SRPK1: variants seen among roughly 807,000 people sequenced by gnomAD.
The protein encoded by SRPK1 is SRSF protein kinase 1.
SRPK1 carries 52 observed loss-of-function variants against 89.5 expected under a neutral mutation model. The observed-to-expected ratio is 0.58, with a 90% CI of 0.46 to 0.73. The LOEUF (loss-of-function observed/expected upper bound fraction) is 0.73, where lower values mean the gene tolerates loss of function less well. SRPK1 is among the 30% of genes least tolerant of loss of function. The pLI is 0.00. For missense variants in SRPK1, 603 were observed against 780.6 expected (o/e 0.77, Z 2.71); for synonymous variants, 255 against 270.2 (o/e 0.94, Z 0.55).
At chr6:35,885,094 T>C (rs1050465652) in intron 6 of SRPK1, among the ~76,000 whole-genome samples, 1 of 152,144 alleles carries the variant, frequency 6.6e-6, no homozygotes, top group African/African-American at 2.4e-5. Flanking sequence ...TGGGGAGATT[T>C]GAGAGTATTT....
chr6:35,851,184 T>A (rs1430191928), intron 13 of SRPK1, among the ~76,000 whole-genome samples: 1 of 151,724 alleles, frequency 6.6e-6, no homozygotes, highest in Non-Finnish European at 1.5e-5. Context: ...ATTGGATTTT[T>A]TTTTTCTTTT....
At chr6:35,888,963 T>G (rs1019667358) in intron 3 of SRPK1, 40 bp from the exon 4 acceptor site, 1 of 1,365,116 alleles carries the variant, frequency 7.3e-7, no homozygotes, top group Admixed American at 1.7e-5. Context: ...AAAACCAGGA[T>G]GAGAAACAAT....
In SRPK1 at chr6:35,880,746, A is replaced by AAAAAAGAAAGAAAG. The variant is rs1770263877; in HGVS notation, c.478+5977_478+5978insCTTTCTTTCTTTTT. On this transcript the variant is annotated intron_variant, in intron 6 of 15. Transcript: ENST00000373825. ...AAAAAAAAAAAAAAGAAAAAAAAAAAAAAAGAAAAGAAAAGAAGAAGAAAT... is the reference window on the plus strand; with the variant it reads ...AAAAAAAAAAAAAAGAAAAAAAAAAAAAAAAGAAAGAAAGAAAAGAAAAGAAAAGAAGAAGAAAT... Among the ~76,000 whole-genome samples, 48 of 89,198 alleles carry AAAAAAGAAAGAAAG rather than the reference A, an allele frequency of 5.4e-4. 3 individuals carry two copies. Among genetic ancestry groups the AAAAAAGAAAGAAAG allele is most frequent in the Non-Finnish European group, 6.9e-4 (31 of 44,620 alleles). The allele number at this position is 89,198 out of a possible 152,430, so 58.5% of individuals were successfully genotyped here.
chr6:35,912,213 T>C (rs1770985116), intron 2 of SRPK1, among the ~76,000 whole-genome samples: 1 of 152,088 alleles, frequency 6.6e-6, no homozygotes, highest in Non-Finnish European at 1.5e-5. Flanking sequence ...GAGCTGGGCA[T>C]GGTGGCATGT....
intron 12 of SRPK1, among the ~76,000 whole-genome samples, chr6:35,865,417 G>A (rs1453725893): frequency 6.6e-6 from 1 of 151,896 alleles, no homozygotes; most frequent in Non-Finnish European, 1.5e-5. Context: ...AAATACTAAT[G>A]TCATTTTTTC....
At chr6:35,915,385 C>T (rs1160274811) in intron 2 of SRPK1, among the ~76,000 whole-genome samples, 12 of 130,314 alleles carry the variant, frequency 9.2e-5, no homozygotes, top group African/African-American at 2.6e-4. Flanking sequence ...CCAGCCTGGA[C>T]GACAGAGCAA....
chr6:35,905,057 G>A, intron 2 of SRPK1: 3 of 373,356 alleles, frequency 8.0e-6, no homozygotes, highest in South Asian at 2.0e-5. Flanking sequence ...TGAGGCAGAG[G>A]GAATGCTTGA....
intron 2 of SRPK1, among the ~76,000 whole-genome samples, chr6:35,894,579 A>AT (rs1010404112): frequency 1.2e-4 from 18 of 152,274 alleles, no homozygotes; most frequent in Admixed American, 1.2e-3. Context: ...GCTCTACTTA[A>AT]TTTTTTATTA....
chr6:35,875,661 A>G (rs1014306565), intron 6 of SRPK1, among the ~76,000 whole-genome samples: 2 of 152,244 alleles, frequency 1.3e-5, no homozygotes. Context: ...ATAAGGGATT[A>G]CAGAAATAGA....
rs1313973066 is a variant in SRPK1, at chr6:35,838,003, G to C, written c.1783+334C>G. Among the ~76,000 whole-genome samples, 4 of 151,816 alleles carry C rather than the reference G, an allele frequency of 2.6e-5. No individual in the cohort carries two copies. The East Asian group carries it at 7.7e-4, about 29-fold the overall frequency. ...CCTGTCTCAGCCTCCTGAGTAGCTGGGATTACAGGCGCCCGCCACTCTTCC... is the reference window on the plus strand; with the variant it reads ...CCTGTCTCAGCCTCCTGAGTAGCTGCGATTACAGGCGCCCGCCACTCTTCC... On this transcript the variant is annotated intron_variant, in intron 15 of 15. Transcript: ENST00000373825.
rs184368917 is a variant in SRPK1, at chr6:35,890,216, T to C, written c.193+679A>G. Among the ~76,000 whole-genome samples, 263 of 152,220 alleles carry C rather than the reference T, an allele frequency of 1.7e-3. 6 individuals carry two copies. In the South Asian group the frequency reaches 0.026, roughly 15 times the overall value. On this transcript the variant is annotated intron_variant, in intron 3 of 15. Transcript: ENST00000373825. Reference sequence around the variant, plus strand: ...AGTCAGAGGCTGCAGTGAGCTGAGATCGTGCCACAGCACTCCAGCCTGGGC... The same window carrying C: ...AGTCAGAGGCTGCAGTGAGCTGAGACCGTGCCACAGCACTCCAGCCTGGGC...
chr6:35,874,551 G>C (rs1450474994), intron 6 of SRPK1, among the ~76,000 whole-genome samples: 2 of 152,122 alleles, frequency 1.3e-5, no homozygotes, highest in African/African-American at 4.8e-5. Context: ...TTAAATTGTG[G>C]GCGGCTGGCT....
intron 2 of SRPK1, among the ~76,000 whole-genome samples, chr6:35,900,828 G>A (rs1700083194): frequency 6.6e-6 from 1 of 152,110 alleles, no homozygotes; most frequent in African/African-American, 2.4e-5. Context: ...TGGTATGTTT[G>A]GGGTTTTAGA....
chr6:35,891,731 A>C (rs1306428513), intron 2 of SRPK1, among the ~76,000 whole-genome samples: 1 of 151,596 alleles, frequency 6.6e-6, no homozygotes, highest in Non-Finnish European at 1.5e-5. Flanking sequence ...CTGTCTCAAA[A>C]AAAAAAAAAA....
intron 15 of SRPK1, among the ~76,000 whole-genome samples, chr6:35,836,835 C>T (rs1398576998): frequency 2.0e-5 from 3 of 151,526 alleles, no homozygotes. Context: ...GCAGTGAGTG[C>T]CTATTTGATT....
At chr6:35,911,989 G>A (rs1402304480) in intron 2 of SRPK1, among the ~76,000 whole-genome samples, 1 of 151,980 alleles carries the variant, frequency 6.6e-6, no homozygotes, top group East Asian at 1.9e-4. Flanking sequence ...AATTGCCACA[G>A]CTACTCCAAC....
chr6:35,850,052 T>TG (rs1286405133), intron 13 of SRPK1, among the ~76,000 whole-genome samples: 1 of 151,746 alleles, frequency 6.6e-6, no homozygotes, highest in African/African-American at 2.4e-5. Flanking sequence ...TTACAGAGAC[T>TG]GGGGGGTGAA....
chr6:35,880,742 A>AAAAAAAAAAAAAAAAAAAAAGAAAAAAAG, intron 6 of SRPK1, among the ~76,000 whole-genome samples: 4 of 28,194 alleles, frequency 1.4e-4, no homozygotes, highest in East Asian at 1.0e-3. Flanking sequence ...AAAGAAAAAA[A>AAAAAAAAAAAAAAAAAAAAAGAAAAAAAG]AAAAAAAAGA....
chr6:35,837,356 G>A (rs17704843), intron 15 of SRPK1, among the ~76,000 whole-genome samples: 8,144 of 152,244 alleles, frequency 0.053, 286 homozygotes, highest in Middle Eastern at 0.085. Context: ...CCAAACGCCA[G>A]CAAAAAATTT....
Sources: allele counts gnomAD v4.1 joint callset (sites outside exome capture counted in the v4.1 genomes callset), GRCh38; gene constraint gnomAD v4.1.1; transcripts MANE v1.5; gene names NCBI Gene and HGNC (gene_info 2026-07-23, HGNC 2026-07-21).